The following ANO4 variants were observed in gnomAD, a reference collection of about 807,000 sequenced individuals.
The protein encoded by ANO4 is anoctamin 4.
Under a neutral mutation model 141.9 loss-of-function variants are expected in ANO4, and 69 were observed. That is an observed-to-expected ratio of 0.49 (90% CI 0.40 to 0.59). The LOEUF (loss-of-function observed/expected upper bound fraction) is 0.59, where lower values mean the gene tolerates loss of function less well. ANO4 is among the 20% of genes least tolerant of loss of function. The pLI, the probability that ANO4 is intolerant of heterozygous loss-of-function variation, is 0.00. For missense variants in ANO4, 894 were observed against 1,162.2 expected (o/e 0.77, Z 3.36); for synonymous variants, 350 against 394.3 (o/e 0.89, Z 1.33).
intron 1 of ANO4, among the ~76,000 whole-genome samples, chr12:100,888,550 G>T (rs528601337): frequency 6.6e-6 from 1 of 152,368 alleles, no homozygotes; most frequent in South Asian, 2.1e-4. Flanking sequence ...ACACAGGAAG[G>T]GAGCAGGGAA....
intron 11 of ANO4, 84 bp downstream of exon 11, chr12:101,040,160 C>A: frequency 3.4e-6 from 5 of 1,477,364 alleles, no homozygotes; most frequent in Middle Eastern, 3.7e-4. Context: ...CCCAATGAAG[C>A]AAAAAGAGCC....
At chr12:101,094,740 C>T (rs2049913177) in intron 18 of ANO4, among the ~76,000 whole-genome samples, 2 of 151,816 alleles carry the variant, frequency 1.3e-5, no homozygotes, top group Admixed American at 1.3e-4. Context: ...AATCCCAGCA[C>T]TTTGGGAAGC....
chr12:100,990,074 T>C (rs2045019446), intron 8 of ANO4, among the ~76,000 whole-genome samples: 1 of 152,064 alleles, frequency 6.6e-6, no homozygotes, highest in Non-Finnish European at 1.5e-5. Context: ...GTTGTGTAGG[T>C]GTATAAATGA....
Position 100,939,379 on chromosome 12 carries a change from C to T in ANO4, c.225C>T (p.Asp75=), listed in dbSNP as rs918447332. 10 of 1,613,540 alleles carry T rather than the reference C, an allele frequency of 6.2e-6. No homozygotes were observed. Among genetic ancestry groups the T allele is most frequent in the African/African-American group, 5.3e-5 (4 of 74,902 alleles). Reference sequence around the variant, plus strand: ...CTGTCAGCAGTCCTTGCAAAGATGACGATTCTCTTCTTCACCCTGGAAACC... The same window carrying T: ...CTGTCAGCAGTCCTTGCAAAGATGATGATTCTCTTCTTCACCCTGGAAACC... ...LEAVSSPCKD[D]DSLLHPGNLT... The change falls in exon 4 of 28, where the codon GAC becomes GAT. Residue 75 remains aspartate (D), a synonymous_variant. Transcript: ENST00000392977.
At chr12:100,799,577 C>T (rs1439842283) in intron 1 of ANO4, among the ~76,000 whole-genome samples, 2 of 152,040 alleles carry the variant, frequency 1.3e-5, no homozygotes, top group Admixed American at 6.5e-5. Context: ...CTCCATCTTA[C>T]GAAAAATACA....
intron 1 of ANO4, among the ~76,000 whole-genome samples, chr12:100,886,217 C>T (rs2135972676): frequency 6.6e-6 from 1 of 152,132 alleles, no homozygotes; most frequent in East Asian, 1.9e-4. Flanking sequence ...TATGCAACCC[C>T]CACCCCCAGA....
chr12:100,807,281 A>G (rs1382559299), intron 1 of ANO4, among the ~76,000 whole-genome samples: 1 of 152,164 alleles, frequency 6.6e-6, no homozygotes, highest in Non-Finnish European at 1.5e-5. Context: ...GGGTATCATC[A>G]TCTATGAAAT....
At chr12:100,877,238 G>C (rs930794313) in intron 1 of ANO4, among the ~76,000 whole-genome samples, 1 of 151,530 alleles carries the variant, frequency 6.6e-6, no homozygotes, top group Non-Finnish European at 1.5e-5. Flanking sequence ...ATAATATATG[G>C]TATATTTGAA....
At chr12:100,723,385 T>C (rs1421172511) in intron 1 of ANO4, among the ~76,000 whole-genome samples, 1 of 152,116 alleles carries the variant, frequency 6.6e-6, no homozygotes, top group African/African-American at 2.4e-5. Flanking sequence ...TCCTGGCTTG[T>C]AGATAGTCAT....
At chr12:101,028,723 A>T (rs1224796772) in intron 9 of ANO4, among the ~76,000 whole-genome samples, 1 of 152,232 alleles carries the variant, frequency 6.6e-6, no homozygotes, top group Non-Finnish European at 1.5e-5. Context: ...CCTGAAGCAG[A>T]CGTGAAGAAT....
At chr12:101,087,097 A>G (rs771406875) in intron 17 of ANO4, among the ~76,000 whole-genome samples, 8 of 152,186 alleles carry the variant, frequency 5.3e-5, no homozygotes, top group Non-Finnish European at 8.8e-5. Context: ...ATCCAATAAG[A>G]TTATATTGTG....
At chr12:100,941,957 A>AAATATTATTATT (rs1395992540) in intron 4 of ANO4, among the ~76,000 whole-genome samples, 2 of 143,154 alleles carry the variant, frequency 1.4e-5, no homozygotes, top group Non-Finnish European at 3.0e-5. Context: ...CAATGAAAAA[A>AAATATTATTATT]ATTATTATTA....
chr12:100,866,833 G>T (rs923000808), intron 1 of ANO4, among the ~76,000 whole-genome samples: 10 of 152,146 alleles, frequency 6.6e-5, no homozygotes, highest in African/African-American at 2.2e-4. Context: ...GTGCATTCTG[G>T]CTGAGGAGGA....
At chr12:101,068,662 T>C (rs984183915) in intron 14 of ANO4, 1 of 1,309,914 alleles carries the variant, frequency 7.6e-7, no homozygotes. Context: ...AGAGAATGAC[T>C]TCCTTATTAA....
rs1197903239 is a variant in ANO4 at position 101,127,846 on chromosome 12, C to T, written c.*5-15C>T. 6.6e-6 allele frequency: 1 copy of T among 152,630 alleles called. No individual in the cohort carries two copies. The highest frequency in any genetic ancestry group is 1.5e-5 in the Non-Finnish European group (1 of 68,042). 9.5% of individuals were successfully genotyped at this position (152,630 alleles called of 1,614,324 possible). A position where few individuals can be genotyped will look rare whatever the true frequency, so the allele number is the denominator to read the frequency against. Reference sequence around the variant, plus strand: ...TGTATGCATAAGATCTTTATGCCTTCTTTTCTCTTTCCAGAAAATAGTCCC... The same window carrying T: ...TGTATGCATAAGATCTTTATGCCTTTTTTTCTCTTTCCAGAAAATAGTCCC... On this transcript the variant is annotated splice_polypyrimidine_tract_variant and intron_variant, in intron 27 of 27. Coordinates refer to ENST00000392977, the MANE Select transcript of ANO4 (RefSeq NM_001286615.2).
intron 22 of ANO4, among the ~76,000 whole-genome samples, chr12:101,108,064 G>C (rs977155554): frequency 6.6e-6 from 1 of 152,158 alleles, no homozygotes; most frequent in Non-Finnish European, 1.5e-5. Flanking sequence ...TCAGAGATTG[G>C]TTTGGGGAGT....
chr12:100,800,367 C>T (rs970479533), intron 1 of ANO4, among the ~76,000 whole-genome samples: 3 of 152,130 alleles, frequency 2.0e-5, no homozygotes, highest in African/African-American at 7.2e-5. Flanking sequence ...TCAGAGTCTA[C>T]TTATACTTCA....
intron 14 of ANO4, among the ~76,000 whole-genome samples, chr12:101,053,910 G>C (rs917749732): frequency 2.0e-5 from 3 of 152,138 alleles, no homozygotes; most frequent in Non-Finnish European, 4.4e-5. Flanking sequence ...GTTATAATCC[G>C]GGAAGGGACA....
At position 100,931,192 on chromosome 12, in the gene ANO4, T is replaced by C. The variant is rs370814069; in HGVS notation, c.161-8123T>C. 7.9e-5 allele frequency among the ~76,000 whole-genome samples: 12 copies of C among 152,252 alleles called. No individual in the cohort carries two copies. In the South Asian group the frequency reaches 2.5e-3, roughly 32 times the overall value. On this transcript the variant is annotated intron_variant, in intron 3 of 27. Transcript: ENST00000392977. ...CTCGTGTCATATACATGCTAAATAG[T>C]GTTTAGTTCTTAAAATCCCAGCCTA...
Sources: allele counts gnomAD v4.1 joint callset (sites outside exome capture counted in the v4.1 genomes callset), GRCh38; gene constraint gnomAD v4.1.1; transcripts MANE v1.5; gene names NCBI Gene and HGNC (gene_info 2026-07-23, HGNC 2026-07-21).